The following RECQL4 variants were observed in gnomAD, a reference collection of about 807,000 sequenced individuals.
RECQL4 encodes RecQ like helicase 4.
Under a neutral mutation model 128.6 loss-of-function variants are expected in RECQL4, and 158 were observed. The observed-to-expected ratio is 1.23, with a 90% CI of 1.08 to 1.40. RECQL4 has a LOEUF of 1.40. Ranked by LOEUF, RECQL4 falls within the 40% of genes most tolerant of loss-of-function variation. The pLI, the probability that RECQL4 is intolerant of heterozygous loss-of-function variation, is 0.00. For missense variants in RECQL4, 2,293 were observed against 1,649.8 expected (o/e 1.39, Z -6.75); for synonymous variants, 996 against 678.9 (o/e 1.47, Z -7.26).
rs752729755 is a variant in RECQL4 at position 144,513,108 on chromosome 8, CAT to C, written c.2492_2493del (p.His831ArgfsTer52). ...QGEDLRELRR[H>X]VHADSTDFLA... ...AGGAAGTCCGTGCTGTCGGCGTGCA[CAT>C]GTCTGCGCAGCTCTCGCAGGTCTTC... is the stretch of plus-strand genomic sequence containing the variant. On this transcript the variant is annotated frameshift_variant, in exon 15 of 21. Transcript: ENST00000617875. LOFTEE classifies it high-confidence loss of function. 95 of 1,568,660 alleles carry C rather than the reference CAT, an allele frequency of 6.1e-5. No individual in the cohort carries two copies. The highest frequency in any genetic ancestry group is 1.7e-4 in the Middle Eastern group (1 of 5,886).
In RECQL4 at chr8:144,512,414, C is replaced by T. The variant is rs1478532229; in HGVS notation, c.3033G>A (p.Gln1011=). The change falls in exon 17 of 21, where the codon CAG becomes CAA. Residue 1011 remains glutamine (Q), a synonymous_variant. Transcript: ENST00000617875. The part of the protein sequence containing the change: ...ASVRRALCQL[Q]WDHEPRTGVR... ...CACCTGTCCTGGGCTCGTGGTCCCACTGCAGCTGGCAGAGAGCCCGCCGCA... is the reference window on the plus strand; with the variant it reads ...CACCTGTCCTGGGCTCGTGGTCCCATTGCAGCTGGCAGAGAGCCCGCCGCA... The T allele has an allele frequency of 6.2e-7, 1 of 1,607,810 alleles. No homozygotes were observed. Among genetic ancestry groups the T allele is most frequent in the Middle Eastern group, 1.7e-4 (1 of 6,046 alleles).
rs1400451855 is a variant in RECQL4, at chr8:144,513,949, G to A, written c.2037C>T (p.Ser679=). The change falls in exon 12 of 21, where the codon TCC becomes TCT. Residue 679 remains serine, a synonymous_variant. Coordinates refer to ENST00000617875, the MANE Select transcript of RECQL4 (RefSeq NM_004260.4). The part of the protein sequence containing the change: ...PVPTNLHLSV[S]MDRDTDQALL... Reference sequence around the variant, plus strand: ...CCACCTGGTCTGTGTCCCTGTCCATGGACACGGAAAGGTGCAGGTTGGTGG... The same window carrying A: ...CCACCTGGTCTGTGTCCCTGTCCATAGACACGGAAAGGTGCAGGTTGGTGG... 1 of 1,558,936 alleles carries A rather than the reference G, an allele frequency of 6.4e-7. No homozygotes were observed. Among genetic ancestry groups the A allele is most frequent in the Non-Finnish European group, 8.7e-7 (1 of 1,152,234 alleles).
chr8:144,517,550 G>T, intron 2 of RECQL4, 42 bp from the exon 3 acceptor site: 1 of 1,523,182 alleles, frequency 6.6e-7, no homozygotes, highest in African/African-American at 1.4e-5. Context: ...TGGGGCCTGG[G>T]CCCCTGCCGA....
In RECQL4 at chr8:144,517,756, C is replaced by T. The variant is rs1001894022; in HGVS notation, c.29G>A (p.Arg10Gln). ...GAACGCGCGCTCCCACGCCTGCAGC[C>T]GCTCCCGCACGTCCCGCAGCCGCTC... MERLRDVRE[R>Q]LQAWERAFRR... The change falls in exon 1 of 21, where the codon CGG (arginine) becomes CAG (glutamine). Residue 10 changes from arginine to glutamine, a missense_variant. Arg to Gln is a conservative substitution (Grantham distance 43). Transcript: ENST00000617875. 5 of 1,312,156 alleles carry T rather than the reference C, an allele frequency of 3.8e-6. No homozygotes were observed. The highest frequency in any genetic ancestry group is 3.9e-6 in the Non-Finnish European group (4 of 1,028,004). 81.3% of individuals were successfully genotyped at this position (1,312,156 alleles called of 1,614,324 possible). A position where few individuals can be genotyped will look rare whatever the true frequency, so the allele number is the denominator to read the frequency against.
At chr8:144,515,117 C>T (rs2130705100) in intron 8 of RECQL4, 33 bp downstream of exon 8, 1 of 1,578,524 alleles carries the variant, frequency 6.3e-7, no homozygotes, top group Non-Finnish European at 8.6e-7. Flanking sequence ...AGCCTGGCCT[C>T]AGCCCAGCCT....
chr8:144,512,445 G>A lies in RECQL4; in HGVS notation c.3002C>T (p.Ala1001Val), dbSNP rs918047641. Residue 1001 changes from alanine (A) to valine (V), a missense_variant, in exon 17 of 21, where the codon GCC becomes GTC. By Grantham distance (64) the Ala-to-Val change is moderately conservative (BLOSUM62 0). Transcript: ENST00000617875. ...KLVDSMGWEL[A>V]SVRRALCQLQ... ...CTGGCAGAGAGCCCGCCGCACAGAG[G>A]CCAGCTCCCAGCCCATGGAGTCCAC... 9 of 1,611,192 alleles carry A rather than the reference G, an allele frequency of 5.6e-6. No homozygotes were observed. Among genetic ancestry groups the A allele is most frequent in the African/African-American group, 1.3e-5 (1 of 74,930 alleles).
intron 9 of RECQL4, 146 bp from the exon 10 acceptor site, chr8:144,514,671 C>T (rs1586813064): frequency 3.2e-6 from 3 of 925,912 alleles, no homozygotes; most frequent in Non-Finnish European, 4.8e-6. Context: ...GGTTTAGAGC[C>T]ACCTGTGGGC....
chr8:144,513,795 G>GGCGGTGT, intron 12 of RECQL4, 83 bp from the exon 13 acceptor site: 1 of 1,431,196 alleles, frequency 7.0e-7, no homozygotes, highest in Non-Finnish European at 9.4e-7. Context: ...GGTCGGCGTG[G>GGCGGTGT]GGAGTGAGGA....
chr8:144,514,847 G>C, intron 9 of RECQL4, 89 bp downstream of exon 9: 1 of 1,482,992 alleles, frequency 6.7e-7, no homozygotes, highest in Non-Finnish European at 9.2e-7. Flanking sequence ...AGGGGAGGGG[G>C]TGGTTAGGGG....
At position 144,512,148 on chromosome 8, in the gene RECQL4, G is replaced by A; in HGVS notation, c.3232C>T (p.His1078Tyr). 6.2e-7 allele frequency: 1 copy of A among 1,607,026 alleles called. No homozygotes were observed. Among genetic ancestry groups the A allele is most frequent in the Non-Finnish European group, 8.5e-7 (1 of 1,176,740 alleles). Reference protein sequence around the residue: ...ARLRRTFQAFHSVAFPSCGPC... With the variant: ...ARLRRTFQAFYSVAFPSCGPC... ...CCCCGCCCGCCTCCTCCCAACCTGT[G>A]AAAGGCCTGGAAGGTTCTGCGCAGA... The change falls in exon 18 of 21, where the codon CAC becomes TAC. Residue 1078 changes from histidine to tyrosine, a missense_variant. Physicochemically the swap from His to Tyr is moderately conservative, Grantham distance 83. Transcript: ENST00000617875.
intron 9 of RECQL4, 80 bp from the exon 10 acceptor site, chr8:144,514,605 G>A: frequency 2.2e-6 from 3 of 1,379,504 alleles, no homozygotes; most frequent in Non-Finnish European, 3.0e-6. Context: ...CTGCTGCCAT[G>A]TCCATCCTAG....
In RECQL4 at chr8:144,514,492, A is replaced by C; in HGVS notation, c.1654T>G (p.Cys552Gly). 6.2e-7 allele frequency: 1 copy of C among 1,612,224 alleles called. No individual in the cohort carries two copies. Among genetic ancestry groups the C allele is most frequent in the South Asian group, 1.1e-5 (1 of 91,004 alleles). ...SGLPPCLKAA[C>G]IHSGMTRKQR... ...TTCCTGGTCATGCCCGAGTGTATGCAGGCCGCCTTGAGACACGGTGGCAGG... is the reference window on the plus strand; with the variant it reads ...TTCCTGGTCATGCCCGAGTGTATGCCGGCCGCCTTGAGACACGGTGGCAGG... Residue 552 changes from cysteine (C) to glycine (G), a missense_variant, in exon 10 of 21, where the codon TGC (cysteine) becomes GGC (glycine). Physicochemically the swap from Cys to Gly is radical, Grantham distance 159. Transcript: ENST00000617875.
In RECQL4 at chr8:144,517,748, C is replaced by A. The variant is rs747356389; in HGVS notation, c.37G>T (p.Ala13Ser). ...TGCCGTCGGAACGCGCGCTCCCACG[C>A]CTGCAGCCGCTCCCGCACGTCCCGC... ...RLRDVRERLQ[A>S]WERAFRRQRG... is the part of the protein sequence containing the mutation. Residue 13 changes from alanine (A) to serine (S), a missense_variant, in exon 1 of 21, where the codon GCG becomes TCG. Ala to Ser is a moderately conservative substitution (Grantham distance 99, BLOSUM62 1). Transcript: ENST00000617875. 9.8e-6 allele frequency: 13 copies of A among 1,330,508 alleles called. 1 individual carries two copies. In the South Asian group the frequency reaches 2.2e-4, roughly 23 times the overall value. The allele number at this position is 1,330,508 out of a possible 1,614,324, so 82.4% of individuals were successfully genotyped here. A position where few individuals can be genotyped will look rare whatever the true frequency, so the allele number is the denominator to read the frequency against.
At chr8:144,514,878 G>C (rs758283442) in intron 9 of RECQL4, 58 bp downstream of exon 9, 1,092 of 1,588,190 alleles carry the variant, frequency 6.9e-4, no homozygotes, top group Non-Finnish European at 8.9e-4. Flanking sequence ...GTTGCCCTTG[G>C]GAGTCACAAG....
chr8:144,516,422 C>G lies in RECQL4; in HGVS notation c.697G>C (p.Gly233Arg). The change falls in exon 5 of 21, where the codon GGC (glycine) becomes CGC (arginine). Residue 233 changes from glycine to arginine, a missense_variant. Gly to Arg is a moderately radical substitution (Grantham distance 125, BLOSUM62 -2). Coordinates refer to ENST00000617875, the MANE Select transcript of RECQL4 (RefSeq NM_004260.4). ...GCTGAAGCCTCTGGGCCCTGGGAGC[C>G]AGCACCAGGACCAAGGACAGCCGAC... Reference protein sequence around the residue: ...GESAVLGPGAGSQGPEASAFQ... With the variant: ...GESAVLGPGARSQGPEASAFQ... 6.2e-7 allele frequency: 1 copy of G among 1,609,328 alleles called. No individual in the cohort carries two copies. The highest frequency in any genetic ancestry group is 8.5e-7 in the Non-Finnish European group (1 of 1,179,720).
chr8:144,515,656 C>T, intron 6 of RECQL4, 108 bp downstream of exon 6: 2 of 1,487,912 alleles, frequency 1.3e-6, no homozygotes, highest in South Asian at 1.3e-5. Context: ...GGGCCTGGAC[C>T]AGGGGTACCT....
rs367960606 is a variant in RECQL4 at position 144,516,456 on chromosome 8, G to A, written c.663C>T (p.Ile221=). 99 of 1,608,506 alleles carry A rather than the reference G, an allele frequency of 6.2e-5. No homozygotes were observed. The African/African-American group carries it at 7.7e-4, about 13-fold the overall frequency. Residue 221 remains isoleucine (I), a synonymous_variant, in exon 5 of 21, where the codon ATC becomes ATT. Coordinates refer to ENST00000617875, the MANE Select transcript of RECQL4 (RefSeq NM_004260.4). ...DLGSEESQLL[I]PGESAVLGPG... Reference sequence around the variant, plus strand: ...GACCAAGGACAGCCGACTCACCAGGGATCAGAAGTTGTGATTCCTCTGAGC... The same window carrying A: ...GACCAAGGACAGCCGACTCACCAGGAATCAGAAGTTGTGATTCCTCTGAGC...
chr8:144,514,419 C>G (rs1441272998), intron 10 of RECQL4, 23 bp downstream of exon 10: 24 of 1,609,700 alleles, frequency 1.5e-5, no homozygotes, highest in Non-Finnish European at 2.0e-5. Flanking sequence ...CCTCCCTCAC[C>G]CCTAGGCCCA....
In RECQL4 at chr8:144,514,251, C is replaced by A. The variant is rs878854644; in HGVS notation, c.1816G>T (p.Glu606Ter). 3 of 1,612,264 alleles carry A rather than the reference C, an allele frequency of 1.9e-6. No homozygotes were observed. The highest frequency in any genetic ancestry group is 1.7e-6 in the Non-Finnish European group (2 of 1,179,696). ...GACCACTGGGAGAGGCAGTGGGCCTCATCAATGCAGGCAAAAGCAACTGGA... is the reference window on the plus strand; with the variant it reads ...GACCACTGGGAGAGGCAGTGGGCCTAATCAATGCAGGCAAAAGCAACTGGA... ...LPPVAFACID[E>*]AHCLSQWSHN... is the part of the protein sequence containing the mutation. The change falls in exon 11 of 21, where the codon GAG becomes TAG. Residue 606 changes from glutamate (E) to a stop codon, truncating the protein, a stop_gained. Coordinates refer to ENST00000617875, the MANE Select transcript of RECQL4 (RefSeq NM_004260.4). LOFTEE classifies it high-confidence loss of function.
Sources: gnomAD v4.1 joint callset for allele counts on GRCh38, gnomAD v4.1.1 for gene constraint, MANE v1.5 for transcripts, NCBI Gene and HGNC (gene_info 2026-07-23, HGNC 2026-07-21) for gene names.